Variants in IDO1 observed in about 807,000 individuals in gnomAD.
The protein encoded by IDO1 is indolamine 2,3 dioxygenase.
A neutral mutation model predicts 38.8 loss-of-function variants in IDO1; 35 were observed. The observed-to-expected ratio is 0.90, with a 90% confidence interval of 0.69 to 1.20. IDO1 has a LOEUF of 1.20. IDO1 is among the 50% of genes most tolerant of loss of function. The pLI, the probability that IDO1 is intolerant of heterozygous loss-of-function variation, is 0.00. For synonymous variants in IDO1, 171 were observed against 170.0 expected (o/e 1.01, Z -0.05); for missense variants, 509 against 485.1 (o/e 1.05, Z -0.46).
At chr8:39,927,436 T>G (rs987048786) in intron 9 of IDO1, among the ~76,000 whole-genome samples, 2 of 151,708 alleles carry the variant, frequency 1.3e-5, no homozygotes, top group African/African-American at 2.4e-5. Flanking sequence ...GGCGCATGCC[T>G]GAAATCCCAG....
At chr8:39,926,464 C>T (rs534512518) in intron 9 of IDO1, among the ~76,000 whole-genome samples, 29 of 152,144 alleles carry the variant, frequency 1.9e-4, no homozygotes, top group Non-Finnish European at 3.4e-4. Context: ...GCCCCAGCCA[C>T]CCAGAGCAAT....
At chr8:39,923,421 A>G in intron 6 of IDO1, 48 bp from the exon 7 acceptor site, 1 of 1,043,348 alleles carries the variant, frequency 9.6e-7, no homozygotes, top group Non-Finnish European at 1.4e-6. Flanking sequence ...AAAAAAAAAA[A>G]GAAAGAAAGA....
intron 5 of IDO1, 108 bp downstream of exon 5, chr8:39,920,222 G>A: frequency 1.2e-6 from 1 of 814,164 alleles, no homozygotes; most frequent in South Asian, 1.8e-5. Flanking sequence ...ATTGAATTCA[G>A]CCAAAAAATA....
Position 39,917,971 on chromosome 8 carries a change from G to A in IDO1, c.183+1G>A, listed in dbSNP as rs771341456. ...CCAGCTTCGAGAAAGAGTTGAGAAGGTTTGACATATGTATTACATTTGTCT... is the reference window on the plus strand; with the variant it reads ...CCAGCTTCGAGAAAGAGTTGAGAAGATTTGACATATGTATTACATTTGTCT... On this transcript the variant is annotated splice_donor_variant, in intron 2 of 9. Transcript: ENST00000518237. LOFTEE classifies it high-confidence loss of function. The A allele has an allele frequency of 3.7e-6, 6 of 1,612,030 alleles. No individual in the cohort carries two copies. The Admixed American group carries it at 8.3e-5, about 22-fold the overall frequency.
intron 5 of IDO1, 81 bp downstream of exon 5, chr8:39,920,195 G>T: frequency 9.0e-7 from 1 of 1,116,004 alleles, no homozygotes; most frequent in Non-Finnish European, 1.3e-6. Flanking sequence ...GACTCCAAAT[G>T]CATTTTTAAA....
In IDO1 at chr8:39,913,983, G is replaced by A. The variant is rs533336421; in HGVS notation, c.61G>A (p.Val21Met). ...TAAAGAGTACCATATTGATGAAGAA[G>A]TGGGCTTTGCTCTGCCAAATCCACA... is the stretch of plus-strand genomic sequence containing the variant. The part of the protein sequence containing the change: ...ISKEYHIDEE[V>M]GFALPNPQEN... Residue 21 changes from valine (V) to methionine (M), a missense_variant, in exon 1 of 10, where the codon GTG becomes ATG. Val to Met is a conservative substitution (Grantham distance 21). Coordinates refer to ENST00000518237, the MANE Select transcript of IDO1 (RefSeq NM_002164.6). The A allele has an allele frequency of 1.9e-6, 3 of 1,573,106 alleles. No individual in the cohort carries two copies. The highest frequency in any genetic ancestry group is 2.3e-5 in the South Asian group (2 of 85,302).
intron 4 of IDO1, among the ~76,000 whole-genome samples, chr8:39,919,797 G>C (rs888707821): frequency 6.6e-6 from 1 of 152,104 alleles, no homozygotes; most frequent in African/African-American, 2.4e-5. Context: ...CCATGTTCGT[G>C]CCACTGCACA....
At chr8:39,917,002 G>A (rs755260550) in intron 1 of IDO1, among the ~76,000 whole-genome samples, 15 of 152,024 alleles carry the variant, frequency 9.9e-5, no homozygotes, top group Non-Finnish European at 1.9e-4. Context: ...CAATAAACTC[G>A]ATATACAAAA....
chr8:39,923,526 G>C lies in IDO1; in HGVS notation c.595G>C (p.Ala199Pro). The change falls in exon 7 of 10, where the codon GCG (alanine) becomes CCG (proline). Residue 199 changes from alanine (A) to proline (P), a missense_variant. Coordinates refer to ENST00000518237, the MANE Select transcript of IDO1 (RefSeq NM_002164.6). ...GCAAGAACGGGACACTTTGCTAAAGGCGCTGTTGGAAATAGCTTCTTGCTT... is the reference window on the plus strand; with the variant it reads ...GCAAGAACGGGACACTTTGCTAAAGCCGCTGTTGGAAATAGCTTCTTGCTT... ...QMQERDTLLKALLEIASCLEK... is the reference protein window; with the variant it reads ...QMQERDTLLKPLLEIASCLEK... The C allele has an allele frequency of 3.7e-6, 6 of 1,613,780 alleles. No homozygotes were observed. The highest frequency in any genetic ancestry group is 5.1e-6 in the Non-Finnish European group (6 of 1,179,714).
chr8:39,919,682 A>T (rs559123927), intron 4 of IDO1, among the ~76,000 whole-genome samples: 34 of 151,848 alleles, frequency 2.2e-4, no homozygotes, highest in South Asian at 1.5e-3. Flanking sequence ...TAGTTTTTTT[A>T]AAAAAAAATT....
At chr8:39,914,098 C>A in intron 1 of IDO1, 89 bp downstream of exon 1, 3 of 882,572 alleles carry the variant, frequency 3.4e-6, no homozygotes, top group South Asian at 1.5e-5. Context: ...AACTGTGGTT[C>A]AGTAACTTCT....
chr8:39,920,204 A>C, intron 5 of IDO1, 90 bp downstream of exon 5: 1 of 1,044,536 alleles, frequency 9.6e-7, no homozygotes. Flanking sequence ...TGCATTTTTA[A>C]ATGATTAATT....
chr8:39,923,219 C>G (rs186151718), intron 6 of IDO1, among the ~76,000 whole-genome samples: 1,939 of 152,186 alleles, frequency 0.013, 25 homozygotes, highest in Admixed American at 0.018. Flanking sequence ...GCCTGGCCAA[C>G]ATGGCGAAAC....
At chr8:39,927,761 C>T in intron 9 of IDO1, 69 bp from the exon 10 acceptor site, 2 of 982,700 alleles carry the variant, frequency 2.0e-6, no homozygotes, top group Non-Finnish European at 2.9e-6. Context: ...TCTGACCTCA[C>T]TCTGCCTTTC....
chr8:39,924,711 CT>C lies in IDO1; in HGVS notation c.656-5del, dbSNP rs1166625880. ...TGCTGCTTAATTAAACATATTCCATCTTTTTACAGATCATGTGAACCCAAAA... is the reference window on the plus strand; with the variant it reads ...TGCTGCTTAATTAAACATATTCCATCTTTTACAGATCATGTGAACCCAAAA... On this transcript the variant is annotated splice_polypyrimidine_tract_variant and intron_variant, in intron 7 of 9. Coordinates refer to ENST00000518237, the MANE Select transcript of IDO1 (RefSeq NM_002164.6). The C allele has an allele frequency of 2.5e-6, 4 of 1,589,754 alleles. No individual in the cohort carries two copies. Among genetic ancestry groups the C allele is most frequent in the East Asian group, 2.2e-5 (1 of 44,722 alleles).
intron 6 of IDO1, 169 bp downstream of exon 6, chr8:39,922,820 A>C (rs1339868897): frequency 1.6e-6 from 1 of 613,308 alleles, no homozygotes; most frequent in African/African-American, 1.8e-5. Context: ...GTATTACCTA[A>C]AATATAAAAT....
Position 39,923,518 on chromosome 8 carries a change from T to C in IDO1, c.587T>C (p.Leu196Ser). ...KAMQMQERDT[L>S]LKALLEIASC... is the part of the protein sequence containing the mutation. Reference sequence around the variant, plus strand: ...ATGCAAATGCAAGAACGGGACACTTTGCTAAAGGCGCTGTTGGAAATAGCT... The same window carrying C: ...ATGCAAATGCAAGAACGGGACACTTCGCTAAAGGCGCTGTTGGAAATAGCT... The change falls in exon 7 of 10, where the codon TTG becomes TCG. Residue 196 changes from leucine (L) to serine (S), a missense_variant. Coordinates refer to ENST00000518237, the MANE Select transcript of IDO1 (RefSeq NM_002164.6). 1 of 1,613,814 alleles carries C rather than the reference T, an allele frequency of 6.2e-7. No individual in the cohort carries two copies. Among genetic ancestry groups the C allele is most frequent in the Non-Finnish European group, 8.5e-7 (1 of 1,179,704 alleles).
At chr8:39,918,787 A>AC in intron 3 of IDO1, 28 bp from the exon 4 acceptor site, 1 of 1,169,404 alleles carries the variant, frequency 8.6e-7, no homozygotes, top group Non-Finnish European at 1.3e-6. Flanking sequence ...AACAACAACA[A>AC]AAAACCTAAC....
chr8:39,927,809 C>T (rs372671130), intron 9 of IDO1, 21 bp from the exon 10 acceptor site: 6 of 1,455,400 alleles, frequency 4.1e-6, no homozygotes, highest in Non-Finnish European at 5.5e-6. Context: ...TCCGTATTTC[C>T]TCTTTCTCTT....
Sources: allele counts gnomAD v4.1 joint callset (sites outside exome capture counted in the v4.1 genomes callset), GRCh38; gene constraint gnomAD v4.1.1; transcripts MANE v1.5; gene names NCBI Gene and HGNC (gene_info 2026-07-23, HGNC 2026-07-21).